Variants in TNPO3 observed in about 807,000 individuals in gnomAD.
TNPO3 encodes the protein transportin-3.
A neutral mutation model predicts 122.8 loss-of-function variants in TNPO3; 65 were observed. The ratio of observed to expected loss-of-function variants is 0.53; its 90% confidence interval spans 0.43 to 0.65. The LOEUF (loss-of-function observed/expected upper bound fraction) is 0.65. Ranked by LOEUF, TNPO3 falls within the 30% of genes least tolerant of loss-of-function variation. The pLI, the probability that TNPO3 is intolerant of heterozygous loss-of-function variation, is 0.00. For missense variants in TNPO3, 850 were observed against 1,136.7 expected (o/e 0.75, Z 3.63); for synonymous variants, 372 against 411.2 (o/e 0.90, Z 1.15).
chr7:128,992,159 A>G, intron 9 of TNPO3, 69 bp from the exon 10 acceptor site: 1 of 836,006 alleles, frequency 1.2e-6, no homozygotes. Context: ...ACAAAACAAA[A>G]AATCCAGTTA....
rs376467037 is a variant in TNPO3, at chr7:128,971,036, CAACAAAACAA to C, written c.2431-731_2431-722del. On this transcript the variant is annotated intron_variant, in intron 19 of 22. Coordinates refer to ENST00000265388, the MANE Select transcript of TNPO3 (RefSeq NM_012470.4). ...GTAACACAGCCGGAACCCCAAGTCA[CAACAAAACAA>C]AACAAAACAAAACCAACTGAAATTA... 9.2e-4 allele frequency: 136 copies of C among 147,054 alleles called. 2 individuals are homozygous for C. The highest frequency in any genetic ancestry group is 3.3e-3 in the African/African-American group (129 of 39,602). The allele number at this position is 147,054 out of a possible 1,614,324, so 9.1% of individuals were successfully genotyped here. A position where few individuals can be genotyped will look rare whatever the true frequency, so the allele number is the denominator to read the frequency against.
At chr7:128,992,454 A>G (rs961109275) in intron 9 of TNPO3, among the ~76,000 whole-genome samples, 23 of 152,300 alleles carry the variant, frequency 1.5e-4, no homozygotes, top group Admixed American at 1.1e-3. Flanking sequence ...TCCTCTATAT[A>G]TGTATTGGCT....
chr7:128,957,161 C>T, intron 22 of TNPO3, 63 bp downstream of exon 22: 1 of 1,412,216 alleles, frequency 7.1e-7, no homozygotes, highest in Non-Finnish European at 1.0e-6. Flanking sequence ...AACCTATCCC[C>T]ATTCCCAGGC....
At chr7:129,052,154 A>G (rs1359861704) in intron 1 of TNPO3, among the ~76,000 whole-genome samples, 1 of 152,200 alleles carries the variant, frequency 6.6e-6, no homozygotes, top group Non-Finnish European at 1.5e-5. Flanking sequence ...TTCTGCTCCA[A>G]TAGGCTGACC....
chr7:128,982,395 A>C, intron 13 of TNPO3, 71 bp from the exon 14 acceptor site: 1 of 1,322,318 alleles, frequency 7.6e-7, no homozygotes, highest in Non-Finnish European at 1.1e-6. Flanking sequence ...TGCAACATAC[A>C]TCAACCTTTG....
intron 12 of TNPO3, 46 bp from the exon 13 acceptor site, chr7:128,984,305 A>C: frequency 7.0e-7 from 1 of 1,427,488 alleles, no homozygotes; most frequent in Non-Finnish European, 9.8e-7. Context: ...CGCTGAATTG[A>C]GGTAACTTAA....
intron 1 of TNPO3, among the ~76,000 whole-genome samples, chr7:129,045,359 G>A (rs1807900217): frequency 6.6e-6 from 1 of 151,988 alleles, no homozygotes; most frequent in Admixed American, 6.6e-5. Context: ...GACTGGGCAC[G>A]GTAGCTCATG....
At position 128,958,137 on chromosome 7, in the gene TNPO3, C is replaced by CTTTTTTTTTTT. The variant is rs55683535; in HGVS notation, c.2712-833_2712-823dup. Among the ~76,000 whole-genome samples the CTTTTTTTTTTT allele has an allele frequency of 6.3e-4, 61 of 96,208 alleles. 1 individual carries two copies. Among genetic ancestry groups the CTTTTTTTTTTT allele is most frequent in the Non-Finnish European group, 8.9e-4 (46 of 51,502 alleles). The allele number at this position is 96,208 out of a possible 152,430, so 63.1% of individuals were successfully genotyped here. On this transcript the variant is annotated intron_variant, in intron 21 of 22. Coordinates refer to ENST00000265388, the MANE Select transcript of TNPO3 (RefSeq NM_012470.4). ...AAAGCAGTGGAGAAGGAAGCACTTCCTTTTTTTTTTTTTTTTTTTTTTTGA... is the reference window on the plus strand; with the variant it reads ...AAAGCAGTGGAGAAGGAAGCACTTCCTTTTTTTTTTTTTTTTTTTTTTTTTTTTTTTTTTGA...
At chr7:128,989,515 A>G (rs937339312) in intron 11 of TNPO3, among the ~76,000 whole-genome samples, 3 of 152,242 alleles carry the variant, frequency 2.0e-5, no homozygotes, top group Admixed American at 2.0e-4. Context: ...AGGTTATATA[A>G]GTCTTCATTT....
intron 3 of TNPO3, among the ~76,000 whole-genome samples, chr7:129,016,753 T>C (rs568984466): frequency 3.3e-4 from 51 of 152,364 alleles, no homozygotes; most frequent in Non-Finnish European, 6.2e-4. Context: ...TGCAATTAAT[T>C]CAAGAAGTGT....
intron 20 of TNPO3, among the ~76,000 whole-genome samples, chr7:128,967,616 C>CG (rs1467583183): frequency 6.6e-6 from 1 of 152,194 alleles, no homozygotes. Flanking sequence ...AAAGGGGCAG[C>CG]GGGCATCATT....
intron 1 of TNPO3, chr7:129,041,834 G>T: frequency 1.4e-6 from 1 of 719,624 alleles, no homozygotes; most frequent in Non-Finnish European, 1.7e-6. Flanking sequence ...ATGACTATGT[G>T]ATGAATATGA....
intron 1 of TNPO3, among the ~76,000 whole-genome samples, chr7:129,047,838 G>A (rs935876883): frequency 7.9e-5 from 12 of 152,202 alleles, no homozygotes; most frequent in East Asian, 5.8e-4. Flanking sequence ...GTTAAAACAC[G>A]CTTTTGTTCC....
Position 128,993,934 on chromosome 7 carries a change from A to G in TNPO3, c.1159-20T>C. 1 of 1,594,802 alleles carries G rather than the reference A, an allele frequency of 6.3e-7. No individual in the cohort carries two copies. The highest frequency in any genetic ancestry group is 8.6e-7 in the Non-Finnish European group (1 of 1,163,126). On this transcript the variant is annotated intron_variant, in intron 8 of 22. Transcript: ENST00000265388. ...CCCCTCCTAAAATATCAAATCAGAT[A>G]ACATCTGCTTTAAACTCACTGCGGC...
At chr7:128,989,183 C>T (rs1453988482) in intron 11 of TNPO3, among the ~76,000 whole-genome samples, 1 of 152,108 alleles carries the variant, frequency 6.6e-6, no homozygotes, top group African/African-American at 2.4e-5. Context: ...CTCTTTTTAG[C>T]ATGTGTTTCA....
chr7:128,971,821 A>C (rs1268463441), intron 19 of TNPO3, among the ~76,000 whole-genome samples: 1 of 152,150 alleles, frequency 6.6e-6, no homozygotes, highest in Non-Finnish European at 1.5e-5. Context: ...CTCCCCTTCC[A>C]TAAAGTTATT....
intron 1 of TNPO3, chr7:129,041,828 C>A (rs975890932): frequency 6.4e-6 from 5 of 779,094 alleles, no homozygotes; most frequent in African/African-American, 5.6e-5. Flanking sequence ...ATTTCCATGA[C>A]TATGTGATGA....
rs773653882 is a variant in TNPO3, at chr7:128,992,064, G to A, written c.1293C>T (p.Asn431=). The A allele has an allele frequency of 1.9e-5, 31 of 1,606,784 alleles. No homozygotes were observed. The highest frequency in any genetic ancestry group is 1.9e-4 in the Admixed American group (11 of 58,944). ...AQLYSTLKEG[N]PPWEVTEAVL... is the part of the protein sequence containing the mutation. ...CCGCTTCTGTCACCTCCCAGGGTGG[G>A]TTGCCTTCTTTCAGAGTAGAATATA... The change falls in exon 10 of 23, where the codon AAC becomes AAT. Residue 431 remains asparagine (N), a synonymous_variant. Coordinates refer to ENST00000265388, the MANE Select transcript of TNPO3 (RefSeq NM_012470.4).
chr7:128,970,694 A>G (rs1798383368), intron 19 of TNPO3: 1 of 157,664 alleles, frequency 6.3e-6, no homozygotes, highest in Admixed American at 6.2e-5. Context: ...AATGTGAAAA[A>G]TAACTTGTGT....
Sources: allele counts gnomAD v4.1 joint callset (sites outside exome capture counted in the v4.1 genomes callset), GRCh38; gene constraint gnomAD v4.1.1; transcripts MANE v1.5; gene names NCBI Gene and HGNC (gene_info 2026-07-23, HGNC 2026-07-21).